The following ATF7IP2 variants were observed in gnomAD, a reference collection of about 807,000 sequenced individuals.
ATF7IP2 encodes the protein activating transcription factor 7 interacting protein 2, also known as activating transcription factor 7-interacting protein 2.
Under a neutral mutation model 64.2 loss-of-function variants are expected in ATF7IP2, and 42 were observed. The observed-to-expected ratio is 0.65, with a 90% CI of 0.51 to 0.85. ATF7IP2 has a LOEUF of 0.85. ATF7IP2 is among the 40% of genes least tolerant of loss of function. The pLI, the probability that ATF7IP2 is intolerant of heterozygous loss-of-function variation, is 0.00. For missense variants in ATF7IP2, 933 were observed against 784.2 expected (o/e 1.19, Z -2.27); for synonymous variants, 308 against 272.8 (o/e 1.13, Z -1.27).
chr16:10,423,192 C>T (rs955214676), intron 3 of ATF7IP2, among the ~76,000 whole-genome samples: 2 of 151,874 alleles, frequency 1.3e-5, no homozygotes, highest in Non-Finnish European at 2.9e-5. Context: ...GGCAGTGAGC[C>T]GAGACCACAC....
At chr16:10,457,723 TTG>T in intron 9 of ATF7IP2, 194 bp downstream of exon 9, 1 of 412,792 alleles carries the variant, frequency 2.4e-6, no homozygotes, top group East Asian at 4.6e-5. Flanking sequence ...CTGGTGTTTT[TTG>T]AGATAGGGTC....
Position 10,473,652 on chromosome 16 carries a change from A to G in ATF7IP2, c.1482+118A>G, listed in dbSNP as rs2049890790. 7 of 750,684 alleles carry G rather than the reference A, an allele frequency of 9.3e-6. No individual in the cohort carries two copies. In the Admixed American group the frequency reaches 1.8e-4, roughly 19 times the overall value. The allele number at this position is 750,684 out of a possible 1,614,324, so 46.5% of individuals were successfully genotyped here. ...TAGTCCACGTTACACACTGAAAAGCAGACAGCTAATGATAAGCATAATTCA... is the reference window on the plus strand; with the variant it reads ...TAGTCCACGTTACACACTGAAAAGCGGACAGCTAATGATAAGCATAATTCA... On this transcript the variant is annotated intron_variant, in intron 11 of 13. Coordinates refer to ENST00000562102, the MANE Select transcript of ATF7IP2 (RefSeq NM_001393719.1).
intron 3 of ATF7IP2, among the ~76,000 whole-genome samples, chr16:10,423,325 A>G (rs1322353259): frequency 2.6e-5 from 4 of 152,248 alleles, no homozygotes; most frequent in African/African-American, 9.6e-5. Context: ...AGACAGCAAC[A>G]TTCTTGAACA....
chr16:10,400,266 C>T (rs1277670219), intron 1 of ATF7IP2, among the ~76,000 whole-genome samples: 1 of 152,192 alleles, frequency 6.6e-6, no homozygotes, highest in Non-Finnish European at 1.5e-5. Flanking sequence ...GTCTTGAACT[C>T]CTGACCTCAG....
intron 10 of ATF7IP2, among the ~76,000 whole-genome samples, chr16:10,472,898 T>TAAC (rs1454557411): frequency 6.6e-6 from 1 of 151,726 alleles, no homozygotes; most frequent in Non-Finnish European, 1.5e-5. Context: ...TTTCCAATGA[T>TAAC]AACTTTTCTC....
At chr16:10,427,410 G>A (rs1379454781) in intron 3 of ATF7IP2, among the ~76,000 whole-genome samples, 1 of 152,178 alleles carries the variant, frequency 6.6e-6, no homozygotes, top group Non-Finnish European at 1.5e-5. Context: ...TAACTCTTAC[G>A]TATTGACTGT....
intron 1 of ATF7IP2, among the ~76,000 whole-genome samples, chr16:10,398,254 A>G (rs1440665371): frequency 6.6e-6 from 1 of 152,022 alleles, no homozygotes; most frequent in African/African-American, 2.4e-5. Flanking sequence ...TAGTGAGCCA[A>G]GATTGCGCCA....
chr16:10,479,086 A>G (rs1229613893), intron 12 of ATF7IP2, among the ~76,000 whole-genome samples: 1 of 151,146 alleles, frequency 6.6e-6, no homozygotes, highest in Non-Finnish European at 1.5e-5. Context: ...TGTGGAAGTC[A>G]GTGTGGCAAT....
intron 1 of ATF7IP2, among the ~76,000 whole-genome samples, chr16:10,407,264 T>A (rs1338069080): frequency 6.6e-6 from 1 of 152,226 alleles, no homozygotes; most frequent in Non-Finnish European, 1.5e-5. Flanking sequence ...CCACAGTTAG[T>A]ATCATCCTGA....
intron 1 of ATF7IP2, among the ~76,000 whole-genome samples, chr16:10,410,343 TTTTG>T (rs1231330047): frequency 1.8e-5 from 2 of 112,342 alleles, no homozygotes; most frequent in African/African-American, 3.5e-5. Context: ...TTTTGTTTTG[TTTTG>T]TTTTGTTTTG....
intron 13 of ATF7IP2, among the ~76,000 whole-genome samples, chr16:10,481,409 C>T (rs1428248204): frequency 1.3e-5 from 2 of 149,232 alleles, no homozygotes; most frequent in Non-Finnish European, 3.0e-5. Context: ...TGGGATTTCC[C>T]GAGTAGCTGG....
chr16:10,459,526 A>G (rs2049302023), intron 9 of ATF7IP2, among the ~76,000 whole-genome samples: 1 of 151,896 alleles, frequency 6.6e-6, no homozygotes, highest in Non-Finnish European at 1.5e-5. Flanking sequence ...GCATGCCTGT[A>G]ATTCCAGCTA....
At chr16:10,432,472 G>C (rs2048288306) in intron 5 of ATF7IP2, among the ~76,000 whole-genome samples, 2 of 152,252 alleles carry the variant, frequency 1.3e-5, no homozygotes, top group South Asian at 4.1e-4. Flanking sequence ...GGGTGTGGTG[G>C]CTCATGCCTG....
chr16:10,473,433 CATAA>C (rs754419394), intron 10 of ATF7IP2, 42 bp from the exon 11 acceptor site: 7 of 1,169,226 alleles, frequency 6.0e-6, no homozygotes, highest in Non-Finnish European at 8.9e-6. Context: ...TCACAAAGCC[CATAA>C]ATATTGTGTA....
chr16:10,398,874 G>A (rs548772294), intron 1 of ATF7IP2, among the ~76,000 whole-genome samples: 2 of 152,276 alleles, frequency 1.3e-5, no homozygotes, highest in South Asian at 2.1e-4. Flanking sequence ...ACCACTTTGG[G>A]AGGCCGAGGC....
intron 6 of ATF7IP2, among the ~76,000 whole-genome samples, chr16:10,437,846 A>G (rs1008207942): frequency 2.6e-5 from 4 of 152,224 alleles, no homozygotes; most frequent in African/African-American, 7.2e-5. Flanking sequence ...GAACTATAGG[A>G]AACTAAAGTT....
intron 8 of ATF7IP2, among the ~76,000 whole-genome samples, chr16:10,443,027 G>C (rs1339924503): frequency 1.3e-5 from 2 of 152,098 alleles, no homozygotes; most frequent in African/African-American, 4.8e-5. Flanking sequence ...TTGTTTTATG[G>C]TGGTGTTTTT....
chr16:10,396,030 A>T (rs989267266), intron 1 of ATF7IP2, among the ~76,000 whole-genome samples: 2 of 152,198 alleles, frequency 1.3e-5, no homozygotes, highest in Non-Finnish European at 2.9e-5. Flanking sequence ...GAGATTCACA[A>T]ACCATTAAAG....
chr16:10,456,512 G>A (rs1479330399), intron 8 of ATF7IP2, among the ~76,000 whole-genome samples: 1 of 133,192 alleles, frequency 7.5e-6, no homozygotes, highest in African/African-American at 2.8e-5. Flanking sequence ...TTAAGCTGCA[G>A]TTTCAATGAC....
Sources: gnomAD v4.1 joint callset for allele counts (sites outside exome capture counted in the v4.1 genomes callset) on GRCh38, gnomAD v4.1.1 for gene constraint, MANE v1.5 for transcripts, NCBI Gene and HGNC (gene_info 2026-07-23, HGNC 2026-07-21) for gene names.